The following USF3 variants were observed in gnomAD, a reference collection of about 807,000 sequenced individuals.
USF3 encodes basic helix-loop-helix domain-containing protein USF3.
USF3 carries 29 observed loss-of-function variants against 157.5 expected under a neutral mutation model. The ratio of observed to expected loss-of-function variants is 0.18; its 90% CI spans 0.14 to 0.25. The LOEUF is 0.25. Ranked by LOEUF, USF3 falls within the 10% of genes least tolerant of loss-of-function variation. The pLI is 1.00. For synonymous variants in USF3, 893 were observed against 941.4 expected (o/e 0.95, Z 0.94); for missense variants, 2,381 against 2,667.6 (o/e 0.89, Z 2.37).
chr3:113,667,650 T>G (rs1577038513), intron 5 of USF3, among the ~76,000 whole-genome samples: 1 of 152,090 alleles, frequency 6.6e-6, no homozygotes. Flanking sequence ...GTGGATCACT[T>G]GAGGTCAGGA....
rs1947388279 is a variant in USF3, at chr3:113,657,530, G to A, written c.4152C>T (p.Asn1384=). The A allele has an allele frequency of 1.9e-6, 3 of 1,614,138 alleles. No homozygotes were observed. The South Asian group carries it at 3.3e-5, about 18-fold the overall frequency. The part of the protein sequence containing the change: ...MVSQIPPNSS[N]SVVPVSNPAH... Reference sequence around the variant, plus strand: ...CTGGGTTGCTAACAGGCACAACTGAGTTTGAAGAATTAGGAGGGATCTGAC... The same window carrying A: ...CTGGGTTGCTAACAGGCACAACTGAATTTGAAGAATTAGGAGGGATCTGAC... The change falls in exon 7 of 7, where the codon AAC becomes AAT. Residue 1384 remains asparagine, a synonymous_variant. Coordinates refer to ENST00000316407, the MANE Select transcript of USF3 (RefSeq NM_001009899.4).
In USF3 at chr3:113,655,807, C is replaced by T. The variant is rs200344454; in HGVS notation, c.5875G>A (p.Gly1959Arg). 6.2e-7 allele frequency: 1 copy of T among 1,614,160 alleles called. No homozygotes were observed. Among genetic ancestry groups the T allele is most frequent in the African/African-American group, 1.3e-5 (1 of 75,038 alleles). The change falls in exon 7 of 7, where the codon GGA becomes AGA. Residue 1959 changes from glycine to arginine, a missense_variant. This residue lies in a region of USF3 where 770 missense variants were observed against 824.2 expected (regional missense o/e 0.93). Transcript: ENST00000316407. ...PALPHPSVSH[G>R]NGDQGPAVRQ... ...ACAGCAGGGCCTTGATCGCCATTTC[C>T]ATGAGACACAGATGGATGTGGCAAC...
At chr3:113,675,477 T>C (rs1050954244) in intron 2 of USF3, among the ~76,000 whole-genome samples, 1 of 152,204 alleles carries the variant, frequency 6.6e-6, no homozygotes, top group African/African-American at 2.4e-5. Context: ...AAATTCTATA[T>C]ATATTTCAAT....
chr3:113,649,963 AG>A lies in USF3; in HGVS notation c.*4980del. 1.5e-6 allele frequency: 1 copy of A among 661,998 alleles called. No homozygotes were observed. Among genetic ancestry groups the A allele is most frequent in the South Asian group, 1.7e-5 (1 of 59,880 alleles). 41.0% of individuals were successfully genotyped at this position (661,998 alleles called of 1,614,324 possible). ...AATGTTCAGCCAAAAAGGCATCTTGAGAAGAAACTAACTTCTGCCTTTAATT... is the reference window on the plus strand; with the variant it reads ...AATGTTCAGCCAAAAAGGCATCTTGAAAGAAACTAACTTCTGCCTTTAATT... On this transcript the variant is annotated 3_prime_UTR_variant, in exon 7 of 7. Transcript: ENST00000316407.
chr3:113,655,375 G>A lies in USF3; in HGVS notation c.6307C>T (p.Pro2103Ser), dbSNP rs775317914. ...TAGAAGGAGGGCAGAGTATTTTGCG[G>A]ATCTACCGGGATGAGGGCTGGAGTT... ...TRTPALIPVD[P>S]QNTLPSFYPP... The change falls in exon 7 of 7, where the codon CCG becomes TCG. Residue 2103 changes from proline to serine, a missense_variant. Pro to Ser is a moderately conservative substitution (Grantham distance 74). This residue lies in a region of USF3 where 770 missense variants were observed against 824.2 expected (regional missense o/e 0.93). Transcript: ENST00000316407. The A allele has an allele frequency of 4.3e-6, 7 of 1,613,998 alleles. No homozygotes were observed. In the East Asian group the frequency reaches 1.1e-4, roughly 26 times the overall value.
intron 3 of USF3, 95 bp downstream of exon 3, chr3:113,674,736 TA>T: frequency 1.1e-6 from 1 of 914,698 alleles, no homozygotes; most frequent in African/African-American, 1.6e-5. Context: ...GGTATCTAAA[TA>T]AAAGTTCTCT....
intron 2 of USF3, 27 bp from the exon 3 acceptor site, chr3:113,674,923 G>T: frequency 7.0e-7 from 1 of 1,429,190 alleles, no homozygotes; most frequent in Non-Finnish European, 9.9e-7. Flanking sequence ...AGACACACCA[G>T]AAAGCTTAGT....
At chr3:113,689,042 C>CAAACAAAT (rs1472939470) in intron 1 of USF3, among the ~76,000 whole-genome samples, 37 of 151,808 alleles carry the variant, frequency 2.4e-4, no homozygotes, top group Non-Finnish European at 5.0e-4. Context: ...AAAAAACAAA[C>CAAACAAAT]AAACAAACAA....
chr3:113,684,113 T>G (rs1408313214), intron 1 of USF3, among the ~76,000 whole-genome samples: 2 of 152,218 alleles, frequency 1.3e-5, no homozygotes, highest in Non-Finnish European at 2.9e-5. Flanking sequence ...GAAGTGTATT[T>G]TCACTGGATA....
In USF3 at chr3:113,655,780, G is replaced by A. The variant is rs184254184; in HGVS notation, c.5902C>T (p.Arg1968Cys). Residue 1968 changes from arginine to cysteine, a missense_variant, in exon 7 of 7, where the codon CGT (arginine) becomes TGT (cysteine). Transcript: ENST00000316407. ...TGGGGAACTGAAGAATTAGCTTGAC[G>A]TACAGCAGGGCCTTGATCGCCATTT... ...HGNGDQGPAVRQANSSVPQRS... is the reference protein window; with the variant it reads ...HGNGDQGPAVCQANSSVPQRS... The A allele has an allele frequency of 2.6e-4, 417 of 1,614,060 alleles. No individual in the cohort carries two copies. The highest frequency in any genetic ancestry group is 1.9e-3 in the African/African-American group (141 of 75,020).
chr3:113,667,546 T>C (rs548449243), intron 5 of USF3, among the ~76,000 whole-genome samples: 16 of 152,278 alleles, frequency 1.1e-4, no homozygotes, highest in African/African-American at 3.9e-4. Context: ...TGCCATTGTG[T>C]TAAGGAAACA....
rs775186839 is a variant in USF3, at chr3:113,658,486, A to T, written c.3196T>A (p.Ser1066Thr). Residue 1066 changes from serine (S) to threonine (T), a missense_variant, in exon 7 of 7, where the codon TCC becomes ACC. By Grantham distance (58) the Ser-to-Thr change is moderately conservative. Coordinates refer to ENST00000316407, the MANE Select transcript of USF3 (RefSeq NM_001009899.4). Reference sequence around the variant, plus strand: ...ATAACCTCTTGATCAGGGAGGCAGGAATGATGCTGTGGAGGATCTCTATCA... The same window carrying T: ...ATAACCTCTTGATCAGGGAGGCAGGTATGATGCTGTGGAGGATCTCTATCA... ...NDDRDPPQHH[S>T]CLPDQEVING... 1 of 1,614,104 alleles carries T rather than the reference A, an allele frequency of 6.2e-7. No individual in the cohort carries two copies. The highest frequency in any genetic ancestry group is 1.1e-5 in the South Asian group (1 of 91,074).
intron 1 of USF3, among the ~76,000 whole-genome samples, chr3:113,683,536 T>C (rs1559723364): frequency 7.0e-6 from 1 of 142,956 alleles, no homozygotes; most frequent in African/African-American, 2.6e-5. Flanking sequence ...TGGTGCAATC[T>C]CAGCTCACTG....
chr3:113,676,032 T>A (rs575120480), intron 2 of USF3, among the ~76,000 whole-genome samples: 1 of 152,318 alleles, frequency 6.6e-6, no homozygotes, highest in Admixed American at 6.5e-5. Flanking sequence ...CACATCACTA[T>A]CAGCATTTTG....
Position 113,657,733 on chromosome 3 carries a change from A to C in USF3, c.3949T>G (p.Leu1317Val), listed in dbSNP as rs1559707067. 9.9e-6 allele frequency: 16 copies of C among 1,614,058 alleles called. No individual in the cohort carries two copies. Among genetic ancestry groups the C allele is most frequent in the Non-Finnish European group, 1.3e-5 (15 of 1,180,032 alleles). Residue 1317 changes from leucine to valine, a missense_variant, in exon 7 of 7, where the codon TTA becomes GTA. Coordinates refer to ENST00000316407, the MANE Select transcript of USF3 (RefSeq NM_001009899.4). Reference sequence around the variant, plus strand: ...TTACGGCTTTCATGGCTTGGCTTTAAGAGTGGCTCTTGAATCTGTGAATTT... The same window carrying C: ...TTACGGCTTTCATGGCTTGGCTTTACGAGTGGCTCTTGAATCTGTGAATTT... ...IPNSQIQEPL[L>V]KPSHESRKDS...
At chr3:113,676,899 T>A (rs1577045359) in intron 2 of USF3, among the ~76,000 whole-genome samples, 1 of 152,214 alleles carries the variant, frequency 6.6e-6, no homozygotes, top group Non-Finnish European at 1.5e-5. Context: ...TATTGGATTG[T>A]TCCGAGCAGG....
rs556769633 is a variant in USF3 at position 113,649,986 on chromosome 3, A to C, written c.*4958T>G. 6.2e-6 allele frequency: 4 copies of C among 640,952 alleles called. No homozygotes were observed. Among genetic ancestry groups the C allele is most frequent in the Admixed American group, 2.5e-5 (1 of 39,314 alleles). The allele number at this position is 640,952 out of a possible 1,614,324, so 39.7% of individuals were successfully genotyped here. ...TGAGAAGAAACTAACTTCTGCCTTTAATTTGCATATAAGTATCATAAAATC... is the reference window on the plus strand; with the variant it reads ...TGAGAAGAAACTAACTTCTGCCTTTCATTTGCATATAAGTATCATAAAATC... On this transcript the variant is annotated 3_prime_UTR_variant, in exon 7 of 7. Coordinates refer to ENST00000316407, the MANE Select transcript of USF3 (RefSeq NM_001009899.4).
chr3:113,674,264 C>G (rs1256295655), intron 3 of USF3, among the ~76,000 whole-genome samples: 1 of 152,112 alleles, frequency 6.6e-6, no homozygotes, highest in Non-Finnish European at 1.5e-5. Context: ...ACAAACAAAA[C>G]ATTTAACATA....
chr3:113,652,890 G>C lies in USF3; in HGVS notation c.*2054C>G. 2.6e-6 allele frequency: 1 copy of C among 381,548 alleles called. No individual in the cohort carries two copies. The allele number at this position is 381,548 out of a possible 1,614,324, so 23.6% of individuals were successfully genotyped here. On this transcript the variant is annotated 3_prime_UTR_variant, in exon 7 of 7. Transcript: ENST00000316407. ...AGAATTTGCTTGAACCCAGGAGGCA[G>C]AGGCTGCAGTGAGCCAAGATCCTGC...
Sources: gnomAD v4.1 joint callset for allele counts (sites outside exome capture counted in the v4.1 genomes callset) on GRCh38, gnomAD v4.1.1 for gene constraint, gnomAD v4.1.1 regional missense constraint, MANE v1.5 for transcripts, NCBI Gene and HGNC (gene_info 2026-07-23, HGNC 2026-07-21) for gene names.